CSMD3: variants seen among roughly 807,000 people sequenced by gnomAD.
CSMD3 encodes the protein CUB and sushi domain-containing protein 3.
In CSMD3, 177 loss-of-function variants were observed where a neutral mutation model predicts 435.2. That is an observed-to-expected ratio of 0.41 (90% CI 0.36 to 0.46). The LOEUF is 0.46. Among genes scored for constraint, CSMD3 ranks in the 20% least tolerant of loss-of-function variants. CSMD3 has a pLI of 0.34. For synonymous variants in CSMD3, 1,656 were observed against 1,520.5 expected, an observed-to-expected ratio of 1.09 and a Z score of -2.07; for missense variants, 4,265 against 4,504.6, an observed-to-expected ratio of 0.95 and a Z score of 1.52.
intron 38 of CSMD3, among the ~76,000 whole-genome samples, chr8:112,377,768 C>CAAAAAAAGTATTTGAATGTATGT (rs1563862888): frequency 6.6e-6 from 1 of 151,324 alleles, no homozygotes; most frequent in East Asian, 1.9e-4. Context: ...TCAATGAATG[C>CAAAAAAAGTATTTGAATGTATGT]AAAAAAAGTA....
At chr8:112,979,413 A>G (rs1161851293) in intron 6 of CSMD3, among the ~76,000 whole-genome samples, 1 of 151,648 alleles carries the variant, frequency 6.6e-6, no homozygotes, top group Non-Finnish European at 1.5e-5. Context: ...AAATACTGAT[A>G]TTGGTAATAT....
chr8:112,699,814 G>A (rs985002366), intron 13 of CSMD3, among the ~76,000 whole-genome samples: 2 of 152,060 alleles, frequency 1.3e-5, no homozygotes, highest in Non-Finnish European at 2.9e-5. Flanking sequence ...CAAAATAAAA[G>A]GCTTATACTC....
chr8:113,269,421 G>C (rs2093500295), intron 3 of CSMD3, among the ~76,000 whole-genome samples: 1 of 152,046 alleles, frequency 6.6e-6, no homozygotes, highest in Non-Finnish European at 1.5e-5. Context: ...TCCCCATCAA[G>C]CTACCAATGA....
In CSMD3 at chr8:113,436,893, C is replaced by T. The variant is rs755995670; in HGVS notation, c.-39G>A. 3.1e-6 allele frequency: 5 copies of T among 1,610,120 alleles called. No homozygotes were observed. In the South Asian group the frequency reaches 3.3e-5, roughly 11 times the overall value. The stretch of plus-strand genomic sequence containing the variant: ...TCCTAATTCCTGCTCCTCAGCCCGG[C>T]GCAGTGGAGTTGTTGCTGTTGTTGG... On this transcript the variant is annotated 5_prime_UTR_variant, in exon 1 of 71. Coordinates refer to ENST00000297405, the MANE Select transcript of CSMD3 (RefSeq NM_198123.2).
intron 13 of CSMD3, among the ~76,000 whole-genome samples, chr8:112,765,829 G>C (rs1304825638): frequency 6.6e-6 from 1 of 151,680 alleles, no homozygotes; most frequent in Non-Finnish European, 1.5e-5. Flanking sequence ...TTTTTCAGAT[G>C]CTCGTTGAAC....
chr8:112,354,971 A>G (rs982455811), intron 38 of CSMD3, among the ~76,000 whole-genome samples: 1 of 152,262 alleles, frequency 6.6e-6, no homozygotes, highest in African/African-American at 2.4e-5. Flanking sequence ...GGCTATGGTA[A>G]CCAAAACAGC....
At chr8:112,561,960 C>T (rs1017074760) in intron 24 of CSMD3, among the ~76,000 whole-genome samples, 7 of 151,454 alleles carry the variant, frequency 4.6e-5, no homozygotes, top group African/African-American at 1.5e-4. Context: ...GTGACATATT[C>T]CCAAACTAAT....
At chr8:112,262,204 T>C (rs539758053) in intron 61 of CSMD3, among the ~76,000 whole-genome samples, 1 of 152,038 alleles carries the variant, frequency 6.6e-6, no homozygotes, top group Non-Finnish European at 1.5e-5. Context: ...TGTGAACTAA[T>C]TGCCTTGCAG....
At chr8:112,906,956 G>A (rs1260452288) in intron 10 of CSMD3, among the ~76,000 whole-genome samples, 3 of 151,480 alleles carry the variant, frequency 2.0e-5, no homozygotes, top group African/African-American at 7.3e-5. Flanking sequence ...GTATGTCAAT[G>A]TGTATCATAA....
At position 112,638,566 on chromosome 8, in the gene CSMD3, C is replaced by T. The variant is rs188943603; in HGVS notation, c.3526+130G>A. On this transcript the variant is annotated intron_variant, in intron 21 of 70. Transcript: ENST00000297405. ...TTAAAACTTGACACATACTACTTTG[C>T]TTTCTTCTTTTTAAAATTTTTCTTC... 6.0e-6 allele frequency: 4 copies of T among 669,380 alleles called. No individual in the cohort carries two copies. The Admixed American group carries it at 9.3e-5, about 16-fold the overall frequency. 41.5% of individuals were successfully genotyped at this position (669,380 alleles called of 1,614,324 possible). A position where few individuals can be genotyped will look rare whatever the true frequency, so the allele number is the denominator to read the frequency against.
intron 3 of CSMD3, among the ~76,000 whole-genome samples, chr8:113,268,839 A>G (rs932519540): frequency 6.6e-6 from 1 of 152,106 alleles, no homozygotes; most frequent in Non-Finnish European, 1.5e-5. Flanking sequence ...TTTATAGTCA[A>G]GAGGTCACCC....
chr8:113,406,660 AT>A (rs553836489), intron 1 of CSMD3, among the ~76,000 whole-genome samples: 166 of 151,916 alleles, frequency 1.1e-3, no homozygotes, highest in Non-Finnish European at 1.9e-3. Context: ...GAGAATTGTT[AT>A]TTTTTCTGTC....
chr8:112,741,715 C>T (rs556566320), intron 13 of CSMD3, among the ~76,000 whole-genome samples: 37 of 151,368 alleles, frequency 2.4e-4, no homozygotes, highest in Non-Finnish European at 5.2e-4. Context: ...TTTAAAAGCC[C>T]CCCCCATCAA....
intron 11 of CSMD3, among the ~76,000 whole-genome samples, chr8:112,832,942 A>T (rs2079918744): frequency 6.6e-6 from 1 of 152,158 alleles, no homozygotes; most frequent in Non-Finnish European, 1.5e-5. Context: ...AATGATCAGC[A>T]AACCCTAAAC....
At chr8:112,947,765 T>C in intron 9 of CSMD3, 25 bp downstream of exon 9, 1 of 909,138 alleles carries the variant, frequency 1.1e-6, no homozygotes, top group Non-Finnish European at 1.8e-6. Flanking sequence ...AGATAAATAA[T>C]GAAGTCAATA....
At chr8:113,255,693 T>G (rs912273253) in intron 3 of CSMD3, among the ~76,000 whole-genome samples, 1 of 151,992 alleles carries the variant, frequency 6.6e-6, no homozygotes, top group Admixed American at 6.6e-5. Context: ...AAACAGAACA[T>G]ATTACACATC....
intron 5 of CSMD3, among the ~76,000 whole-genome samples, chr8:113,090,091 CT>C (rs539280850): frequency 5.3e-5 from 8 of 152,036 alleles, no homozygotes; most frequent in Non-Finnish European, 8.8e-5. Context: ...CGCTTTTATG[CT>C]TTTTTTGTAT....
At chr8:112,231,235 T>C (rs1267788214) in intron 69 of CSMD3, among the ~76,000 whole-genome samples, 1 of 152,226 alleles carries the variant, frequency 6.6e-6, no homozygotes, top group Non-Finnish European at 1.5e-5. Context: ...TAAACTAATT[T>C]ACAGTTTAAT....
chr8:112,843,480 A>G (rs1226135599), intron 11 of CSMD3, among the ~76,000 whole-genome samples: 16 of 151,960 alleles, frequency 1.1e-4, no homozygotes, highest in African/African-American at 2.4e-4. Flanking sequence ...ATTACCAGAC[A>G]TGTCAAAAGG....
Sources: gnomAD v4.1 joint callset for allele counts (sites outside exome capture counted in the v4.1 genomes callset) on GRCh38, gnomAD v4.1.1 for gene constraint, MANE v1.5 for transcripts, NCBI Gene and HGNC (gene_info 2026-07-23, HGNC 2026-07-21) for gene names.